Variants in LONRF2 observed in about 807,000 individuals in gnomAD.
LONRF2 encodes LON peptidase N-terminal domain and ring finger 2.
A neutral mutation model predicts 66.6 loss-of-function variants in LONRF2; 35 were observed. The ratio of observed to expected loss-of-function variants is 0.53; its 90% CI spans 0.40 to 0.70. The LOEUF (loss-of-function observed/expected upper bound fraction) is 0.70, where lower values mean the gene tolerates loss of function less well. Ranked by LOEUF, LONRF2 falls within the 30% of genes least tolerant of loss-of-function variation. LONRF2 has a pLI of 0.00. For synonymous variants in LONRF2, 417 were observed against 418.1 expected (o/e 1.00, Z 0.03); for missense variants, 902 against 1,002.1 (o/e 0.90, Z 1.35).
Position 100,284,166 on chromosome 2 carries a change from G to T in LONRF2, c.*132C>A. The T allele has an allele frequency of 1.3e-6, 1 of 782,866 alleles. No homozygotes were observed. The highest frequency in any genetic ancestry group is 2.0e-6 in the Non-Finnish European group (1 of 508,344). 48.5% of individuals were successfully genotyped at this position (782,866 alleles called of 1,614,324 possible). A position where few individuals can be genotyped will look rare whatever the true frequency, so the allele number is the denominator to read the frequency against. ...TTGTCATTTTTGAGGAGGACTCAATGTTTGGCAAGCGTCCCATTTTGGAAC... is the reference window on the plus strand; with the variant it reads ...TTGTCATTTTTGAGGAGGACTCAATTTTTGGCAAGCGTCCCATTTTGGAAC... On this transcript the variant is annotated 3_prime_UTR_variant, in exon 12 of 12. Coordinates refer to ENST00000393437, the MANE Select transcript of LONRF2 (RefSeq NM_198461.4).
intron 7 of LONRF2, 112 bp downstream of exon 7, chr2:100,298,724 A>G: frequency 1.4e-6 from 1 of 717,660 alleles, no homozygotes; most frequent in Non-Finnish European, 2.5e-6. Context: ...TTGATTGGAG[A>G]AATCTCAGTT....
In LONRF2 at chr2:100,322,174, G is replaced by C; in HGVS notation, c.-81C>G. 8.4e-7 allele frequency: 1 copy of C among 1,194,620 alleles called. No individual in the cohort carries two copies. The allele number at this position is 1,194,620 out of a possible 1,614,324, so 74.0% of individuals were successfully genotyped here. A position where few individuals can be genotyped will look rare whatever the true frequency, so the allele number is the denominator to read the frequency against. ...GCGCTGCTGCTGGGAACTGGCCGGC[G>C]GGAGCGCGGTCTCAGCCCTCGCCAG... On this transcript the variant is annotated 5_prime_UTR_variant, in exon 1 of 12. Coordinates refer to ENST00000393437, the MANE Select transcript of LONRF2 (RefSeq NM_198461.4).
intron 3 of LONRF2, among the ~76,000 whole-genome samples, chr2:100,301,594 A>C (rs1313446156): frequency 6.6e-6 from 1 of 152,232 alleles, no homozygotes; most frequent in Non-Finnish European, 1.5e-5. Flanking sequence ...ATGGAGCCAC[A>C]TTCCATGTGA....
intron 5 of LONRF2, among the ~76,000 whole-genome samples, 171 bp downstream of exon 5, chr2:100,299,546 A>G (rs1290049666): frequency 6.6e-6 from 1 of 152,196 alleles, no homozygotes; most frequent in Non-Finnish European, 1.5e-5. Context: ...ATTTTTGACT[A>G]TGAAGTCTTT....
intron 1 of LONRF2, among the ~76,000 whole-genome samples, chr2:100,320,989 A>G (rs560316200): frequency 2.6e-5 from 4 of 152,286 alleles, no homozygotes; most frequent in Admixed American, 1.3e-4. Context: ...CTTCCTGGCT[A>G]TATTAGCTGA....
In LONRF2 at chr2:100,290,277, T is replaced by C. The variant is rs1372243181; in HGVS notation, c.1901A>G (p.Glu634Gly). The change falls in exon 10 of 12, where the codon GAA becomes GGA. Residue 634 changes from glutamate (E) to glycine (G), a missense_variant. Coordinates refer to ENST00000393437, the MANE Select transcript of LONRF2 (RefSeq NM_198461.4). ...HRDGYNTADIEYLEDEKVEGP... is the reference protein window; with the variant it reads ...HRDGYNTADIGYLEDEKVEGP... ...CCTTACCTTTTCATCTTCAAGATAT[T>C]CAATGTCCGCTGTGTTATAGCCATC... 6.2e-7 allele frequency: 1 copy of C among 1,613,106 alleles called. No homozygotes were observed. The highest frequency in any genetic ancestry group is 8.5e-7 in the Non-Finnish European group (1 of 1,179,666).
Position 100,321,927 on chromosome 2 carries a change from G to C in LONRF2, c.167C>G (p.Pro56Arg), listed in dbSNP as rs567988041. The C allele has an allele frequency of 3.6e-6, 5 of 1,385,852 alleles. No individual in the cohort carries two copies. Among genetic ancestry groups the C allele is most frequent in the African/African-American group, 3.0e-5 (2 of 67,390 alleles). The allele number at this position is 1,385,852 out of a possible 1,614,324, so 85.8% of individuals were successfully genotyped here. A position where few individuals can be genotyped will look rare whatever the true frequency, so the allele number is the denominator to read the frequency against. The change falls in exon 1 of 12, where the codon CCG (proline) becomes CGG (arginine). Residue 56 changes from proline (P) to arginine (R), a missense_variant. Coordinates refer to ENST00000393437, the MANE Select transcript of LONRF2 (RefSeq NM_198461.4). Reference protein sequence around the residue: ...FRSMLAGLAQPDRGLCLRLGD... With the variant: ...FRSMLAGLAQRDRGLCLRLGD... ...CAGCCTCAGGCACAGGCCGCGGTCC[G>C]GCTGCGCCAGCCCGGCTAGCATGGA...
At chr2:100,295,382 CA>C (rs765448184) in intron 8 of LONRF2, 49 bp downstream of exon 8, 2 of 1,555,306 alleles carry the variant, frequency 1.3e-6, no homozygotes, top group African/African-American at 2.8e-5. Context: ...CTGAAGTTGA[CA>C]AAGTTCAATC....
chr2:100,283,390 C>A lies in LONRF2; in HGVS notation c.*908G>T, dbSNP rs1674779241. 1 of 152,036 alleles carries A rather than the reference C, an allele frequency of 6.6e-6. No individual in the cohort carries two copies. Among genetic ancestry groups the A allele is most frequent in the Non-Finnish European group, 1.5e-5 (1 of 68,004 alleles). 9.4% of individuals were successfully genotyped at this position (152,036 alleles called of 1,614,324 possible). A position where few individuals can be genotyped will look rare whatever the true frequency, so the allele number is the denominator to read the frequency against. ...TGTATATTAATAAATGGATAGTAAA[C>A]TGAAATTTACTGATGGGGCTAATTT... On this transcript the variant is annotated 3_prime_UTR_variant, in exon 12 of 12. Coordinates refer to ENST00000393437, the MANE Select transcript of LONRF2 (RefSeq NM_198461.4).
intron 2 of LONRF2, among the ~76,000 whole-genome samples, chr2:100,307,660 T>C (rs932689239): frequency 6.6e-6 from 1 of 152,106 alleles, no homozygotes; most frequent in Non-Finnish European, 1.5e-5. Context: ...GTTCAAGAGA[T>C]CTATTATGAT....
At chr2:100,306,196 G>A (rs10166685) in intron 2 of LONRF2, among the ~76,000 whole-genome samples, 4,569 of 152,178 alleles carry the variant, frequency 0.03, 221 homozygotes, top group African/African-American at 0.11. Context: ...TTACAGGTGT[G>A]AGCCACCACA....
intron 1 of LONRF2, among the ~76,000 whole-genome samples, chr2:100,317,737 GT>G (rs144090023): frequency 0.054 from 8,150 of 149,826 alleles, 682 homozygotes; most frequent in African/African-American, 0.19. Context: ...TTCCAGCTAG[GT>G]TTTTTTTTTC....
intron 3 of LONRF2, among the ~76,000 whole-genome samples, chr2:100,302,683 G>A (rs753162134): frequency 6.6e-6 from 1 of 152,118 alleles, no homozygotes; most frequent in Non-Finnish European, 1.5e-5. Context: ...CAACAGAATC[G>A]AGGCATGTTT....
chr2:100,305,653 A>G (rs17023961), intron 2 of LONRF2, among the ~76,000 whole-genome samples: 3,376 of 152,320 alleles, frequency 0.022, 57 homozygotes, highest in Non-Finnish European at 0.03. Context: ...TTCAAAAGAC[A>G]TGATGAGTAC....
Position 100,273,479 on chromosome 2 carries a change from T to C in LONRF2, c.*10819A>G, listed in dbSNP as rs13416287. On this transcript the variant is annotated 3_prime_UTR_variant, in exon 12 of 12. Transcript: ENST00000393437. ...CACTGTAAGTTTTATTCAGTTCAAA[T>C]ATCACATATTAGATATACAATACCA... is the stretch of plus-strand genomic sequence containing the variant. The C allele has an allele frequency of 1.1e-4, 17 of 152,216 alleles. No individual in the cohort carries two copies. Among genetic ancestry groups the C allele is most frequent in the Non-Finnish European group, 2.2e-4 (15 of 68,042 alleles). The allele number at this position is 152,216 out of a possible 1,614,324, so 9.4% of individuals were successfully genotyped here. A position where few individuals can be genotyped will look rare whatever the true frequency, so the allele number is the denominator to read the frequency against.
chr2:100,317,924 G>A (rs1326418613), intron 1 of LONRF2, among the ~76,000 whole-genome samples: 2 of 152,082 alleles, frequency 1.3e-5, no homozygotes, highest in African/African-American at 4.8e-5. Context: ...TACTTGGATG[G>A]GTTTTGTGTG....
chr2:100,302,588 T>A (rs759646166), intron 3 of LONRF2, among the ~76,000 whole-genome samples: 1 of 152,212 alleles, frequency 6.6e-6, no homozygotes, highest in African/African-American at 2.4e-5. Context: ...TAGAGCCGAA[T>A]TGATACATTT....
At chr2:100,316,422 G>A (rs1485531647) in intron 1 of LONRF2, among the ~76,000 whole-genome samples, 3 of 138,664 alleles carry the variant, frequency 2.2e-5, no homozygotes, top group Non-Finnish European at 4.5e-5. Flanking sequence ...ACTTTATGTT[G>A]TGATTCATTT....
chr2:100,297,318 TA>T (rs1675090156), intron 7 of LONRF2, among the ~76,000 whole-genome samples: 1 of 143,408 alleles, frequency 7.0e-6, no homozygotes, highest in Non-Finnish European at 1.5e-5. Flanking sequence ...ATTTTTTTTT[TA>T]GTAGAGACGG....
Sources: gnomAD v4.1 joint callset for allele counts (sites outside exome capture counted in the v4.1 genomes callset) on GRCh38, gnomAD v4.1.1 for gene constraint, MANE v1.5 for transcripts, NCBI Gene and HGNC (gene_info 2026-07-23, HGNC 2026-07-21) for gene names.